The following KIFAP3 variants were observed in gnomAD, a reference collection of about 807,000 sequenced individuals.
The protein encoded by KIFAP3 is kinesin associated protein 3, also known as kinesin-associated protein 3.
A neutral mutation model predicts 106.5 loss-of-function variants in KIFAP3; 68 were observed. The observed-to-expected ratio is 0.64, with a 90% CI of 0.53 to 0.78. KIFAP3 has a LOEUF of 0.78. Ranked by LOEUF, KIFAP3 falls within the 30% of genes least tolerant of loss-of-function variation. The probability of loss-of-function intolerance (pLI) is 0.00; values close to 1 mark genes in which losing one functional copy is unlikely to be tolerated. For missense variants in KIFAP3, 780 were observed against 941.8 expected, an observed-to-expected ratio of 0.83 and a Z score of 2.25; for synonymous variants, 320 against 311.5, an observed-to-expected ratio of 1.03 and a Z score of -0.29.
At chr1:170,082,393 A>G (rs769457500) in intron 1 of KIFAP3, among the ~76,000 whole-genome samples, 18 of 152,244 alleles carry the variant, frequency 1.2e-4, no homozygotes, top group Non-Finnish European at 1.8e-4. Context: ...ATTATGACAG[A>G]AAGTAGATAA....
Position 170,054,104 on chromosome 1 carries a change from G to T in KIFAP3, c.164+1201C>A, listed in dbSNP as rs527642015. 1.1e-4 allele frequency among the ~76,000 whole-genome samples: 16 copies of T among 152,168 alleles called. No homozygotes were observed. The South Asian group carries it at 3.3e-3, about 32-fold the overall frequency. The stretch of plus-strand genomic sequence containing the variant: ...TTTTGCAATCTACCCATCTGACTAA[G>T]GTCTAATATCCAGAATCCACAAGGA... On this transcript the variant is annotated intron_variant, in intron 2 of 19. Transcript: ENST00000361580.
intron 3 of KIFAP3, among the ~76,000 whole-genome samples, chr1:170,045,763 C>T (rs1670214609): frequency 1.3e-5 from 2 of 152,162 alleles, no homozygotes; most frequent in African/African-American, 2.4e-5. Context: ...CTGACTTGAA[C>T]TCTGTTCCAG....
At chr1:169,935,431 C>T (rs1287576917) in intron 19 of KIFAP3, among the ~76,000 whole-genome samples, 2 of 151,948 alleles carry the variant, frequency 1.3e-5, no homozygotes, top group Non-Finnish European at 2.9e-5. Context: ...TAGGAAGGTG[C>T]TGTTTTTGGC....
At chr1:169,960,052 G>T (rs1007749638) in intron 18 of KIFAP3, among the ~76,000 whole-genome samples, 1 of 151,974 alleles carries the variant, frequency 6.6e-6, no homozygotes, top group South Asian at 2.1e-4. Context: ...TGGAAAATTT[G>T]CACAATACAC....
In KIFAP3 at chr1:169,973,124, A is replaced by ATATATATATATATATATATATATATATAG. The variant is rs1361338751; in HGVS notation, c.1898-527_1898-526insCTATATATATATATATATATATATATATA. ...TAGTGTGTATATATATATATATATA[A>ATATATATATATATATATATATATATATAG]ACAACACAAATCAGGATTAGAAAAC... is the stretch of plus-strand genomic sequence containing the variant. On this transcript the variant is annotated intron_variant, in intron 16 of 19. Transcript: ENST00000361580. 2.7e-3 allele frequency among the ~76,000 whole-genome samples: 132 copies of ATATATATATATATATATATATATATATAG among 48,474 alleles called. 6 individuals are homozygous for ATATATATATATATATATATATATATATAG. The highest frequency in any genetic ancestry group is 0.028 in the Middle Eastern group (2 of 72). The allele number at this position is 48,474 out of a possible 152,430, so 31.8% of individuals were successfully genotyped here.
chr1:169,982,986 T>C (rs1483631938), intron 13 of KIFAP3, 119 bp from the exon 14 acceptor site: 3 of 676,482 alleles, frequency 4.4e-6, no homozygotes, highest in Non-Finnish European at 6.5e-6. Context: ...GTGATTTTCT[T>C]GTTTTAATAA....
intron 3 of KIFAP3, among the ~76,000 whole-genome samples, chr1:170,040,635 C>T (rs1669923682): frequency 6.6e-6 from 1 of 152,040 alleles, no homozygotes. Flanking sequence ...AAAAGACTAC[C>T]AGATTTGCTT....
At chr1:170,071,275 T>C (rs1030595766) in intron 1 of KIFAP3, among the ~76,000 whole-genome samples, 1 of 152,122 alleles carries the variant, frequency 6.6e-6, no homozygotes, top group African/African-American at 2.4e-5. Flanking sequence ...AAACAAAAAC[T>C]TGTACAGTAA....
At chr1:170,056,183 A>C (rs1007530729) in intron 1 of KIFAP3, among the ~76,000 whole-genome samples, 1 of 152,144 alleles carries the variant, frequency 6.6e-6, no homozygotes, top group African/African-American at 2.4e-5. Context: ...AATTGTCTAT[A>C]TTACAATATA....
At chr1:169,955,287 T>C (rs924095879) in intron 18 of KIFAP3, among the ~76,000 whole-genome samples, 3 of 152,220 alleles carry the variant, frequency 2.0e-5, no homozygotes, top group Non-Finnish European at 4.4e-5. Flanking sequence ...GGGAAATGTA[T>C]AAAATTACAA....
intron 2 of KIFAP3, among the ~76,000 whole-genome samples, chr1:170,047,352 G>A (rs796115129): frequency 1.1e-4 from 16 of 152,092 alleles, no homozygotes; most frequent in African/African-American, 2.9e-4. Flanking sequence ...CGGGCACGGT[G>A]GTTCACGCCT....
chr1:170,027,014 CTTTTTTTTTTTTT>C (rs71125222), intron 8 of KIFAP3, among the ~76,000 whole-genome samples: 1 of 64,388 alleles, frequency 1.6e-5, no homozygotes, highest in African/African-American at 6.1e-5. Flanking sequence ...TGTCTTGCTT[CTTTTTTTTTTTTT>C]TTTTTTTTTT....
intron 19 of KIFAP3, among the ~76,000 whole-genome samples, chr1:169,942,916 C>CCCA (rs1558182526): frequency 1.9e-5 from 2 of 103,096 alleles, no homozygotes; most frequent in African/African-American, 7.6e-5. Context: ...AGACGCCCCC[C>CCCA]CCCACCCCTT....
chr1:169,954,680 T>C (rs1276906654), intron 18 of KIFAP3, among the ~76,000 whole-genome samples: 1 of 152,186 alleles, frequency 6.6e-6, no homozygotes, highest in Non-Finnish European at 1.5e-5. Flanking sequence ...GAAATCTTCA[T>C]ATAGTTTACA....
At chr1:169,988,140 T>G (rs749544445) in intron 11 of KIFAP3, among the ~76,000 whole-genome samples, 2 of 152,020 alleles carry the variant, frequency 1.3e-5, no homozygotes, top group Non-Finnish European at 2.9e-5. Context: ...TTATGAGACA[T>G]GTTGTATATA....
intron 10 of KIFAP3, among the ~76,000 whole-genome samples, chr1:170,006,400 C>A (rs919236584): frequency 3.9e-5 from 6 of 152,142 alleles, no homozygotes; most frequent in Admixed American, 3.9e-4. Context: ...CCTCTTCCTA[C>A]ACATTGGCTG....
At chr1:169,991,175 A>T (rs1313176945) in intron 11 of KIFAP3, among the ~76,000 whole-genome samples, 5 of 152,030 alleles carry the variant, frequency 3.3e-5, no homozygotes, top group Admixed American at 2.6e-4. Flanking sequence ...CCCTGTCTGT[A>T]TAAAAAATAA....
chr1:170,059,568 G>A (rs1308788221), intron 1 of KIFAP3, among the ~76,000 whole-genome samples: 1 of 152,168 alleles, frequency 6.6e-6, no homozygotes, highest in Non-Finnish European at 1.5e-5. Flanking sequence ...TGGATTCACA[G>A]CCGAATTCTA....
intron 10 of KIFAP3, among the ~76,000 whole-genome samples, chr1:170,006,587 C>T (rs1210745696): frequency 1.3e-5 from 2 of 152,058 alleles, no homozygotes; most frequent in African/African-American, 4.8e-5. Flanking sequence ...GACTGGATTC[C>T]TAAGAGTTTG....
Sources: gnomAD v4.1 joint callset for allele counts (sites outside exome capture counted in the v4.1 genomes callset) on GRCh38, gnomAD v4.1.1 for gene constraint, MANE v1.5 for transcripts, NCBI Gene and HGNC (gene_info 2026-07-23, HGNC 2026-07-21) for gene names.